UMOD: variants seen among roughly 807,000 people sequenced by gnomAD.
UMOD encodes the protein uromodulin.
Under a neutral mutation model 66.0 loss-of-function variants are expected in UMOD, and 64 were observed. The ratio of observed to expected loss-of-function variants is 0.97; its 90% CI spans 0.79 to 1.19. The LOEUF is 1.19. Among genes scored for constraint, UMOD ranks in the 50% most tolerant of loss-of-function variants. UMOD has a pLI of 0.00. For synonymous variants in UMOD, 398 were observed against 352.7 expected (o/e 1.13, Z -1.44); for missense variants, 764 against 850.9 (o/e 0.90, Z 1.27).
intron 2 of UMOD, chr16:20,350,002 C>G (rs957893805): frequency 6.2e-6 from 6 of 963,112 alleles, no homozygotes; most frequent in Admixed American, 6.3e-5. Flanking sequence ...CTCGTGAGGT[C>G]AGTTTTTTAT....
intron 1 of UMOD, among the ~76,000 whole-genome samples, chr16:20,352,015 C>T (rs866606956): frequency 1.4e-5 from 2 of 141,220 alleles, no homozygotes; most frequent in Middle Eastern, 3.4e-3. Flanking sequence ...GTCCATCCCC[C>T]CCCCCCAAAA....
intron 10 of UMOD, among the ~76,000 whole-genome samples, chr16:20,334,601 G>A (rs1007431585): frequency 6.6e-6 from 1 of 152,184 alleles, no homozygotes; most frequent in East Asian, 1.9e-4. Flanking sequence ...GTACTATTGG[G>A]ACACAGCATA....
chr16:20,348,236 G>A lies in UMOD; in HGVS notation c.960C>T (p.Asp320=), dbSNP rs1965691684. 1 of 1,613,932 alleles carries A rather than the reference G, an allele frequency of 6.2e-7. No homozygotes were observed. Among genetic ancestry groups the A allele is most frequent in the Non-Finnish European group, 8.5e-7 (1 of 1,180,026 alleles). ...CACTGGCCTCACCAGTGATGTTGAA[G>A]TCCTGTTTGCACTGGCAGTGCCATC... The part of the protein sequence containing the change: ...NGRWHCQCKQ[D]FNITDISLLE... The change falls in exon 4 of 11, where the codon GAC becomes GAT. Residue 320 remains aspartate (D), a synonymous_variant. Transcript: ENST00000396138.
At chr16:20,339,583 A>T (rs182592200) in intron 7 of UMOD, among the ~76,000 whole-genome samples, 228 of 152,354 alleles carry the variant, frequency 1.5e-3, no homozygotes, top group African/African-American at 5.2e-3. Context: ...TGAACATCAC[A>T]TTGGCACTCA....
At position 20,342,171 on chromosome 16, in the gene UMOD, C is replaced by T. The variant is rs910757880; in HGVS notation, c.1332-835G>A. 3.9e-5 allele frequency among the ~76,000 whole-genome samples: 6 copies of T among 152,252 alleles called. No homozygotes were observed. In the South Asian group the frequency reaches 1.2e-3, roughly 32 times the overall value. On this transcript the variant is annotated intron_variant, in intron 6 of 10. Coordinates refer to ENST00000396138, the MANE Select transcript of UMOD (RefSeq NM_003361.4). ...ACTAGCCTGGTCCATGTAACAAGAC[C>T]CTGTCTCTATAAAAATATTTTTAAA...
chr16:20,345,057 A>G (rs1965466788), intron 5 of UMOD, among the ~76,000 whole-genome samples: 1 of 152,232 alleles, frequency 6.6e-6, no homozygotes, highest in African/African-American at 2.4e-5. Context: ...TCTGTCACCC[A>G]GGCTGGAGTG....
intron 7 of UMOD, among the ~76,000 whole-genome samples, chr16:20,338,971 G>C (rs1433520334): frequency 6.6e-6 from 1 of 152,122 alleles, no homozygotes; most frequent in Non-Finnish European, 1.5e-5. Context: ...GTATTGGCCA[G>C]GCCAGTCTTG....
intron 6 of UMOD, among the ~76,000 whole-genome samples, chr16:20,343,665 A>G (rs1163729294): frequency 1.3e-5 from 2 of 152,212 alleles, no homozygotes; most frequent in Non-Finnish European, 2.9e-5. Context: ...TTTAATTCTT[A>G]GAGTACTATT....
chr16:20,341,323 T>C lies in UMOD; in HGVS notation c.1345A>G (p.Arg449Gly), dbSNP rs1204132574. The change falls in exon 7 of 11, where the codon AGA (arginine) becomes GGA (glycine). Residue 449 changes from arginine to glycine, a missense_variant. By Grantham distance (125) the Arg-to-Gly change is moderately radical. Coordinates refer to ENST00000396138, the MANE Select transcript of UMOD (RefSeq NM_003361.4). ...GTGAACATGCCGGTCCCGCCCACTC[T>C]GATGTTTAGAGCACTGCCAGGGGAG... ...LQPMVSALNIRVGGTGMFTVR... is the reference protein window; with the variant it reads ...LQPMVSALNIGVGGTGMFTVR... The C allele has an allele frequency of 1.2e-6, 2 of 1,613,688 alleles. No individual in the cohort carries two copies. The highest frequency in any genetic ancestry group is 2.7e-5 in the African/African-American group (2 of 74,914).
At chr16:20,344,722 A>C (rs1965445728) in intron 5 of UMOD, among the ~76,000 whole-genome samples, 1 of 152,050 alleles carries the variant, frequency 6.6e-6, no homozygotes, top group African/African-American at 2.4e-5. Context: ...ATGACCATTC[A>C]TGCGCATATG....
intron 2 of UMOD, chr16:20,349,985 C>T (rs1046023042): frequency 1.7e-6 from 2 of 1,189,504 alleles, no homozygotes; most frequent in African/African-American, 3.1e-5. Flanking sequence ...GAATACTTCC[C>T]AAGGGCCTCG....
intron 10 of UMOD, among the ~76,000 whole-genome samples, chr16:20,334,925 G>A (rs1025090471): frequency 7.3e-5 from 11 of 150,196 alleles, no homozygotes; most frequent in African/African-American, 9.8e-5. Context: ...TCTGCCCCCC[G>A]TGGTTCAAGC....
At position 20,344,081 on chromosome 16, in the gene UMOD, C is replaced by A; in HGVS notation, c.1274G>T (p.Cys425Phe). 6.2e-7 allele frequency: 1 copy of A among 1,612,606 alleles called. No homozygotes were observed. ...GACTTTCATGTCCAGGGGGTAGGAG[C>A]ATGCAAAGTTGATTTTGATGTTGAG... ...RDLNIKINFA[C>F]SYPLDMKVSL... Residue 425 changes from cysteine (C) to phenylalanine (F), a missense_variant, in exon 6 of 11, where the codon TGC becomes TTC. Physicochemically the swap from Cys to Phe is radical, Grantham distance 205 (BLOSUM62 -2). Coordinates refer to ENST00000396138, the MANE Select transcript of UMOD (RefSeq NM_003361.4).
intron 1 of UMOD, among the ~76,000 whole-genome samples, chr16:20,352,209 G>A (rs1467373209): frequency 6.6e-6 from 1 of 152,004 alleles, no homozygotes; most frequent in Non-Finnish European, 1.5e-5. Context: ...GAGAAAACAG[G>A]GGGACAAAGA....
chr16:20,345,502 C>CCCTTCCTTCCTT (rs1228147595), intron 5 of UMOD, among the ~76,000 whole-genome samples: 22 of 53,040 alleles, frequency 4.1e-4, no homozygotes, highest in South Asian at 1.8e-3. Flanking sequence ...CTCCCTCCCT[C>CCCTTCCTTCCTT]CCTTCCTTCC....
Position 20,337,437 on chromosome 16 carries a change from C to T in UMOD, c.1594G>A (p.Asp532Asn). 1 of 1,614,156 alleles carries T rather than the reference C, an allele frequency of 6.2e-7. No homozygotes were observed. Among genetic ancestry groups the T allele is most frequent in the Non-Finnish European group, 8.5e-7 (1 of 1,180,032 alleles). Reference protein sequence around the residue: ...IIQDRCPHTRDSTIQVVENGE... With the variant: ...IIQDRCPHTRNSTIQVVENGE... ...TTCTCCACCACTTGGATAGTTGAGT[C>T]TCTAGTGTGTGGGCATCTGGGAGGG... The change falls in exon 8 of 11, where the codon GAC becomes AAC. Residue 532 changes from aspartate (D) to asparagine (N), a missense_variant. Asp to Asn is a conservative substitution (Grantham distance 23). Coordinates refer to ENST00000396138, the MANE Select transcript of UMOD (RefSeq NM_003361.4).
Position 20,335,518 on chromosome 16 carries a change from C to T in UMOD, c.1825G>A (p.Val609Ile). 6.2e-7 allele frequency: 1 copy of T among 1,614,136 alleles called. No homozygotes were observed. The highest frequency in any genetic ancestry group is 8.5e-7 in the Non-Finnish European group (1 of 1,179,988). Residue 609 changes from valine to isoleucine, a missense_variant and splice_region_variant, in exon 10 of 11, where the codon GTC becomes ATC. Coordinates refer to ENST00000396138, the MANE Select transcript of UMOD (RefSeq NM_003361.4). ...AAAGCCCTTGAGACTGTGGCCTGGA[C>T]ACCTTTGGAGGAAAACAGAAGGATC... Reference protein sequence around the residue: ...LNLGPITRKGVQATVSRAFSS... With the variant: ...LNLGPITRKGIQATVSRAFSS...
At chr16:20,336,869 G>A (rs1003308855) in intron 8 of UMOD, 142 bp from the exon 9 acceptor site, 11 of 717,256 alleles carry the variant, frequency 1.5e-5, no homozygotes, top group Non-Finnish European at 2.4e-5. Context: ...ACCGGGGCTC[G>A]TGCAGGTCCC....
chr16:20,350,996 A>T (rs1036581190), intron 1 of UMOD, 157 bp from the exon 2 acceptor site: 1 of 611,328 alleles, frequency 1.6e-6, no homozygotes, highest in African/African-American at 1.9e-5. Context: ...CTGGGACTTT[A>T]CCCCTTGTAC....
Sources: gnomAD v4.1 joint callset for allele counts (sites outside exome capture counted in the v4.1 genomes callset) on GRCh38, gnomAD v4.1.1 for gene constraint, MANE v1.5 for transcripts, NCBI Gene and HGNC (gene_info 2026-07-23, HGNC 2026-07-21) for gene names.